PXK: variants seen among roughly 807,000 people sequenced by gnomAD.
PXK encodes the protein PX domain-containing protein kinase-like protein.
Under a neutral mutation model 84.7 loss-of-function variants are expected in PXK, and 35 were observed. The ratio of observed to expected loss-of-function variants is 0.41; its 90% CI spans 0.32 to 0.55. The LOEUF (loss-of-function observed/expected upper bound fraction) is 0.55. PXK is among the 20% of genes least tolerant of loss of function. The pLI is 0.21. For missense variants in PXK, 634 were observed against 699.7 expected, an observed-to-expected ratio of 0.91 and a Z score of 1.06; for synonymous variants, 253 against 260.8, an observed-to-expected ratio of 0.97 and a Z score of 0.29.
At chr3:58,369,563 C>T (rs2098332394) in intron 3 of PXK, 85 bp downstream of exon 3, 9 of 1,061,656 alleles carry the variant, frequency 8.5e-6, no homozygotes, top group South Asian at 6.7e-5. Flanking sequence ...GGTGGCTCAA[C>T]GCCTGTAATC....
intron 1 of PXK, among the ~76,000 whole-genome samples, chr3:58,355,211 G>A (rs1400992613): frequency 6.6e-6 from 1 of 152,136 alleles, no homozygotes; most frequent in Non-Finnish European, 1.5e-5. Flanking sequence ...AATCTGTGAG[G>A]GCACAAGTGT....
chr3:58,377,551 G>T (rs752206992), intron 3 of PXK, among the ~76,000 whole-genome samples: 1 of 151,572 alleles, frequency 6.6e-6, no homozygotes, highest in African/African-American at 2.4e-5. Context: ...GGCTGAGGTG[G>T]GAGGATTACT....
Position 58,425,115 on chromosome 3 carries a change from AAAT to A in PXK, c.*159_*161del, listed in dbSNP as rs2062654143. 8.8e-7 allele frequency: 1 copy of A among 1,142,440 alleles called. No homozygotes were observed. The highest frequency in any genetic ancestry group is 2.9e-5 in the Admixed American group (1 of 34,934). The allele number at this position is 1,142,440 out of a possible 1,614,324, so 70.8% of individuals were successfully genotyped here. On this transcript the variant is annotated 3_prime_UTR_variant, in exon 18 of 18. Coordinates refer to ENST00000356151, the MANE Select transcript of PXK (RefSeq NM_017771.5). ...GCTCATGTAAGCAGCTTTTCGAGAG[AAAT>A]AATTCTTTAAGCAGAATAAAGTTAG...
intron 4 of PXK, among the ~76,000 whole-genome samples, chr3:58,384,197 C>A (rs1486415423): frequency 6.6e-6 from 1 of 152,198 alleles, no homozygotes; most frequent in Admixed American, 6.5e-5. Flanking sequence ...GCAGCATTGG[C>A]ATCACTGGGA....
intron 13 of PXK, among the ~76,000 whole-genome samples, chr3:58,406,492 GTC>G (rs1428321853): frequency 6.8e-6 from 1 of 148,046 alleles, no homozygotes; most frequent in Non-Finnish European, 1.5e-5. Context: ...GCCCAGGCTA[GTC>G]TTGAACTCTT....
At chr3:58,403,992 G>A (rs558509243) in intron 13 of PXK, 82 bp downstream of exon 13, 3 of 1,004,992 alleles carry the variant, frequency 3.0e-6, no homozygotes, top group Non-Finnish European at 4.2e-6. Context: ...GCCAAAAAAA[G>A]AAAAGATATA....
rs2098543132 is a variant in PXK at position 58,385,450 on chromosome 3, C to A, written c.388+2750C>A. On this transcript the variant is annotated intron_variant, in intron 4 of 17. Transcript: ENST00000356151. This position sits in a 1 kb window ranked among gnomAD's most constrained non-coding sequence, Gnocchi z 5.1. ...GAGATTCACAGCATGGCCCACGGAA[C>A]ATACCCTGCACGCCTCTCACCTTGT... 6.6e-6 allele frequency among the ~76,000 whole-genome samples: 1 copy of A among 152,178 alleles called. No homozygotes were observed. Among genetic ancestry groups the A allele is most frequent in the Non-Finnish European group, 1.5e-5 (1 of 68,020 alleles).
At chr3:58,356,521 G>T (rs1435305850) in intron 1 of PXK, among the ~76,000 whole-genome samples, 1 of 152,116 alleles carries the variant, frequency 6.6e-6, no homozygotes, top group African/African-American at 2.4e-5. Context: ...TTCAAATGTC[G>T]AGTTTCTGCT....
rs1186120464 is a variant in PXK, at chr3:58,397,724, T to A, written c.1102+2T>A. 2 of 1,609,488 alleles carry A rather than the reference T, an allele frequency of 1.2e-6. No individual in the cohort carries two copies. ...CTCCTGCCCCGTCCATGGCTGTGGG[T>A]CAGTATGGGGTTGGGAAGGGTCTTC... On this transcript the variant is annotated splice_donor_variant, in intron 11 of 17. Coordinates refer to ENST00000356151, the MANE Select transcript of PXK (RefSeq NM_017771.5). LOFTEE classifies it high-confidence loss of function. The surrounding 1 kb of genome is among the most constrained non-coding windows in gnomAD (Gnocchi z 4.7).
In PXK at chr3:58,401,548, C is replaced by G. The variant is rs748994609; in HGVS notation, c.1181+2171C>G. 2.1e-4 allele frequency among the ~76,000 whole-genome samples: 32 copies of G among 152,136 alleles called. No homozygotes were observed. Among genetic ancestry groups the G allele is most frequent in the Non-Finnish European group, 4.4e-4 (30 of 68,020 alleles). On this transcript the variant is annotated intron_variant, in intron 12 of 17. Coordinates refer to ENST00000356151, the MANE Select transcript of PXK (RefSeq NM_017771.5). This position sits in a 1 kb window ranked among gnomAD's most constrained non-coding sequence, Gnocchi z 4.4. ...GGCTGAGGTGGTAGAATCGCTTGAG[C>G]CTAGGAATTTGAGGTTGCAGTGAGC...
At chr3:58,408,095 C>G (rs368764988) in intron 13 of PXK, among the ~76,000 whole-genome samples, 10 of 152,264 alleles carry the variant, frequency 6.6e-5, no homozygotes, top group African/African-American at 2.4e-4. Context: ...ATGTGGATAT[C>G]CAATTTTCCC....
chr3:58,333,864 A>G lies in PXK; in HGVS notation c.102+774A>G, dbSNP rs1387872845. ...GGGCTTTAAAACCGTGGTTGTTTTCATTTGCTTGTACCTTTTTTTTTTTTT... is the reference window on the plus strand; with the variant it reads ...GGGCTTTAAAACCGTGGTTGTTTTCGTTTGCTTGTACCTTTTTTTTTTTTT... On this transcript the variant is annotated intron_variant, in intron 1 of 17. Transcript: ENST00000356151. The surrounding 1 kb of genome is among the most constrained non-coding windows in gnomAD (Gnocchi z 5.4). 6.7e-6 allele frequency among the ~76,000 whole-genome samples: 1 copy of G among 148,466 alleles called. No homozygotes were observed. Among genetic ancestry groups the G allele is most frequent in the Non-Finnish European group, 1.5e-5 (1 of 67,410 alleles).
intron 4 of PXK, among the ~76,000 whole-genome samples, chr3:58,387,904 G>C (rs2098574523): frequency 6.6e-6 from 1 of 152,122 alleles, no homozygotes; most frequent in African/African-American, 2.4e-5. Context: ...CCAGTCTTTA[G>C]GGGCCATGGT....
At position 58,403,912 on chromosome 3, in the gene PXK, T is replaced by C. The variant is rs746242364; in HGVS notation, c.1230+2T>C. On this transcript the variant is annotated splice_donor_variant, in intron 13 of 17. Transcript: ENST00000356151. LOFTEE classifies it high-confidence loss of function. Reference sequence around the variant, plus strand: ...ACTTCTGAAAAACCACAGTTTAAGGTAAAGACAATTATATCGTTTTTTGGT... The same window carrying C: ...ACTTCTGAAAAACCACAGTTTAAGGCAAAGACAATTATATCGTTTTTTGGT... 6.6e-7 allele frequency: 1 copy of C among 1,516,746 alleles called. No individual in the cohort carries two copies. Among genetic ancestry groups the C allele is most frequent in the Non-Finnish European group, 9.0e-7 (1 of 1,116,940 alleles). The allele number at this position is 1,516,746 out of a possible 1,614,324, so 94.0% of individuals were successfully genotyped here.
Position 58,416,337 on chromosome 3 carries a change from G to A in PXK, c.1528+3374G>A, listed in dbSNP as rs2060951471. Among the ~76,000 whole-genome samples the A allele has an allele frequency of 6.6e-6, 1 of 152,146 alleles. No homozygotes were observed. The highest frequency in any genetic ancestry group is 1.5e-5 in the Non-Finnish European group (1 of 68,032). Reference sequence around the variant, plus strand: ...TGGATGCCTGGAATTTTTCTTAAAGGAACATTTGGATTTTCCCTTATTTCC... The same window carrying A: ...TGGATGCCTGGAATTTTTCTTAAAGAAACATTTGGATTTTCCCTTATTTCC... On this transcript the variant is annotated intron_variant, in intron 17 of 17. Coordinates refer to ENST00000356151, the MANE Select transcript of PXK (RefSeq NM_017771.5). This position sits in a 1 kb window ranked among gnomAD's most constrained non-coding sequence, Gnocchi z 4.8.
rs189479623 is a variant in PXK, at chr3:58,414,941, A to G, written c.1528+1978A>G. ...TTCAAGGTGCATTTACTGAGAACCTATGGTTTGCTAAGGACTGTGCTTGGC... is the reference window on the plus strand; with the variant it reads ...TTCAAGGTGCATTTACTGAGAACCTGTGGTTTGCTAAGGACTGTGCTTGGC... On this transcript the variant is annotated intron_variant, in intron 17 of 17. Transcript: ENST00000356151. This position sits in a 1 kb window ranked among gnomAD's most constrained non-coding sequence, Gnocchi z 4.5. 6.6e-6 allele frequency among the ~76,000 whole-genome samples: 1 copy of G among 152,290 alleles called. No individual in the cohort carries two copies. The highest frequency in any genetic ancestry group is 1.9e-4 in the East Asian group (1 of 5,190).
intron 1 of PXK, among the ~76,000 whole-genome samples, chr3:58,342,464 G>A (rs1191548126): frequency 2.0e-5 from 3 of 151,896 alleles, no homozygotes; most frequent in Non-Finnish European, 4.4e-5. Context: ...GTGAAACCCT[G>A]TCTCTACTAA....
intron 1 of PXK, among the ~76,000 whole-genome samples, chr3:58,354,188 T>A (rs1004563864): frequency 6.6e-6 from 1 of 152,102 alleles, no homozygotes; most frequent in South Asian, 2.1e-4. Flanking sequence ...TCTTTCTTGC[T>A]CCTTTAAACG....
rs1344256145 is a variant in PXK at position 58,368,644 on chromosome 3, C to T, written c.154-787C>T. Among the ~76,000 whole-genome samples, 5 of 152,178 alleles carry T rather than the reference C, an allele frequency of 3.3e-5. No homozygotes were observed. In the East Asian group the frequency reaches 9.6e-4, roughly 29 times the overall value. On this transcript the variant is annotated intron_variant, in intron 2 of 17. Coordinates refer to ENST00000356151, the MANE Select transcript of PXK (RefSeq NM_017771.5). ...GCCCATTTCTGAGGCCTTCTAATCT[C>T]CTTTAGTTCAAAGTACTTAGCATGC...
Sources: gnomAD v4.1 joint callset for allele counts (sites outside exome capture counted in the v4.1 genomes callset) on GRCh38, gnomAD v4.1.1 for gene constraint, Gnocchi (gnomAD v3.1) non-coding constraint, MANE v1.5 for transcripts, NCBI Gene and HGNC (gene_info 2026-07-23, HGNC 2026-07-21) for gene names.